GSDMC: variants seen among roughly 807,000 people sequenced by gnomAD.
GSDMC encodes gasdermin-C.
In GSDMC, 59 loss-of-function variants were observed where a neutral mutation model predicts 58.0. The ratio of observed to expected loss-of-function variants is 1.02; its 90% confidence interval spans 0.82 to 1.26. GSDMC has a LOEUF of 1.26. Among genes scored for constraint, GSDMC ranks in the 50% most tolerant of loss-of-function variants. The pLI, the probability that GSDMC is intolerant of heterozygous loss-of-function variation, is 0.00. For missense variants in GSDMC, 659 were observed against 598.5 expected, an observed-to-expected ratio of 1.10 and a Z score of -1.06; for synonymous variants, 241 against 220.2, an observed-to-expected ratio of 1.09 and a Z score of -0.83.
the GSDMC span, among the ~76,000 whole-genome samples, chr8:129,725,956 T>C: frequency 6.6e-6 from 1 of 152,350 alleles, no homozygotes; most frequent in South Asian, 2.1e-4. Flanking sequence ...ACCCCTGCTT[T>C]CTTATGTGTT....
chr8:129,722,073 T>C, the GSDMC span, among the ~76,000 whole-genome samples: 37 of 152,342 alleles, frequency 2.4e-4, 1 homozygote, highest in East Asian at 6.0e-3. Flanking sequence ...TCCAGTATGT[T>C]CCTTTATGGT....
At chr8:129,745,145 T>G (rs371931215), downstream of GSDMC, among the ~76,000 whole-genome samples, 2 of 152,256 alleles carry the variant, frequency 1.3e-5, no homozygotes, top group African/African-American at 2.4e-5. Context: ...ATGACCTCAA[T>G]GTAGCAAAAT....
intron 6 of GSDMC, among the ~76,000 whole-genome samples, chr8:129,758,069 A>T (rs1448031066): frequency 6.6e-6 from 1 of 152,234 alleles, no homozygotes; most frequent in Non-Finnish European, 1.5e-5. Context: ...AACATACACA[A>T]ATCAATCAAT....
chr8:129,773,702 C>T (rs971998004), intron 3 of GSDMC, among the ~76,000 whole-genome samples: 2 of 149,556 alleles, frequency 1.3e-5, no homozygotes, highest in African/African-American at 4.9e-5. Flanking sequence ...AGGAGAATTG[C>T]TTGAACCTGG....
At chr8:129,741,636 T>A in the GSDMC span, among the ~76,000 whole-genome samples, 2 of 151,964 alleles carry the variant, frequency 1.3e-5, no homozygotes, top group East Asian at 3.9e-4. Flanking sequence ...GAAAGATAAG[T>A]GTTGGTGAGG....
chr8:129,765,226 C>A (rs2033812946), intron 4 of GSDMC, among the ~76,000 whole-genome samples: 1 of 152,100 alleles, frequency 6.6e-6, no homozygotes, highest in Non-Finnish European at 1.5e-5. Context: ...TATCAGGTTA[C>A]CTTAGAGTTT....
chr8:129,745,620 T>C (rs2032943897), downstream of GSDMC, among the ~76,000 whole-genome samples: 1 of 151,902 alleles, frequency 6.6e-6, no homozygotes, highest in Non-Finnish European at 1.5e-5. Flanking sequence ...TCCACTGAAA[T>C]ATAAAATCAA....
At chr8:129,706,935 GT>G in the GSDMC span, 1 of 152,182 alleles carries the variant, frequency 6.6e-6, no homozygotes, top group East Asian at 1.9e-4. Flanking sequence ...AGCATTCACT[GT>G]GTACCAGGCA....
At chr8:129,729,625 A>G in the GSDMC span, among the ~76,000 whole-genome samples, 1 of 152,156 alleles carries the variant, frequency 6.6e-6, no homozygotes, top group African/African-American at 2.4e-5. Flanking sequence ...CCATGTCCCT[A>G]CAAAGGACAT....
chr8:129,751,055 T>C (rs2033169263), intron 10 of GSDMC, among the ~76,000 whole-genome samples: 2 of 152,140 alleles, frequency 1.3e-5, no homozygotes, highest in African/African-American at 4.8e-5. Flanking sequence ...GGGGATTGCT[T>C]GAGGCCAGGA....
the GSDMC span, among the ~76,000 whole-genome samples, chr8:129,733,013 G>A: frequency 2.6e-5 from 4 of 152,220 alleles, no homozygotes; most frequent in East Asian, 1.9e-4. Flanking sequence ...ATTATATCCC[G>A]CATGTGGCTC....
chr8:129,741,259 T>TA, the GSDMC span, among the ~76,000 whole-genome samples: 1 of 152,020 alleles, frequency 6.6e-6, no homozygotes, highest in African/African-American at 2.4e-5. Flanking sequence ...TTATAATATA[T>TA]TTTTAAAATC....
At chr8:129,766,306 T>C (rs2130476283) in intron 3 of GSDMC, among the ~76,000 whole-genome samples, 1 of 152,272 alleles carries the variant, frequency 6.6e-6, no homozygotes, top group East Asian at 1.9e-4. Context: ...GTGGGTGGAT[T>C]GGTAGGGCTG....
chr8:129,729,402 C>T, the GSDMC span: 2 of 381,674 alleles, frequency 5.2e-6, no homozygotes, highest in South Asian at 2.3e-5. Flanking sequence ...TGTTGGTGTG[C>T]TGCACCCATT....
chr8:129,708,442 T>A, the GSDMC span, among the ~76,000 whole-genome samples: 1 of 152,178 alleles, frequency 6.6e-6, no homozygotes, highest in Non-Finnish European at 1.5e-5. Context: ...GAGAGTAGTT[T>A]GGGATGAGAA....
At chr8:129,721,041 G>A in the GSDMC span, among the ~76,000 whole-genome samples, 1 of 152,144 alleles carries the variant, frequency 6.6e-6, no homozygotes, top group African/African-American at 2.4e-5. Context: ...GGGGATCAAG[G>A]CCCCACATGC....
chr8:129,742,644 T>C, the GSDMC span, among the ~76,000 whole-genome samples: 1 of 152,172 alleles, frequency 6.6e-6, no homozygotes, highest in Non-Finnish European at 1.5e-5. Flanking sequence ...GTTCTTGGGT[T>C]CCTCCTTCCT....
the GSDMC span, among the ~76,000 whole-genome samples, chr8:129,731,678 T>C: frequency 1.4e-4 from 21 of 152,208 alleles, no homozygotes; most frequent in African/African-American, 4.6e-4. Flanking sequence ...TCAAGCCCAC[T>C]AACATCGAGG....
At chr8:129,777,242 C>A (rs999761647) in intron 2 of GSDMC, 126 bp downstream of exon 2, 2 of 620,674 alleles carry the variant, frequency 3.2e-6, no homozygotes, top group South Asian at 2.0e-5. Context: ...TTGCCCCTTG[C>A]CTATAGGCAA....
Sources: allele counts gnomAD v4.1 joint callset (sites outside exome capture counted in the v4.1 genomes callset), GRCh38; gene constraint gnomAD v4.1.1; transcripts MANE v1.5; gene names NCBI Gene and HGNC (gene_info 2026-07-23, HGNC 2026-07-21).